FRYL: variants seen among roughly 807,000 people sequenced by gnomAD.
FRYL encodes the protein protein furry homolog-like.
A neutral mutation model predicts 351.2 loss-of-function variants in FRYL; 150 were observed. The observed-to-expected ratio is 0.43, with a 90% CI of 0.37 to 0.49. FRYL has a LOEUF of 0.49. FRYL is among the 20% of genes least tolerant of loss of function. FRYL has a pLI of 0.00. For missense variants in FRYL, 3,036 were observed against 3,619.3 expected (o/e 0.84, Z 4.13); for synonymous variants, 1,153 against 1,257.1 (o/e 0.92, Z 1.75).
chr4:48,528,348 CA>C lies in FRYL; in HGVS notation c.6904-13del. Reference sequence around the variant, plus strand: ...CCAATAATTGGTGTCTACACAGAAACAAAATGTCAGTGTTTGGCTCAAATAT... The same window carrying C: ...CCAATAATTGGTGTCTACACAGAAACAAATGTCAGTGTTTGGCTCAAATAT... On this transcript the variant is annotated splice_polypyrimidine_tract_variant and intron_variant, in intron 50 of 63. Coordinates refer to ENST00000358350, the MANE Select transcript of FRYL (RefSeq NM_015030.2). 1 of 1,583,560 alleles carries C rather than the reference CA, an allele frequency of 6.3e-7. No individual in the cohort carries two copies. Among genetic ancestry groups the C allele is most frequent in the Non-Finnish European group, 8.6e-7 (1 of 1,163,632 alleles).
intron 1 of FRYL, among the ~76,000 whole-genome samples, 182 bp downstream of exon 1, chr4:48,779,896 C>A (rs1776485054): frequency 6.6e-6 from 1 of 151,848 alleles, no homozygotes; most frequent in Admixed American, 6.5e-5. Flanking sequence ...CCGGGCCGCG[C>A]CGCGCCGCTT....
At chr4:48,700,937 TAAAA>T (rs1372099640) in intron 2 of FRYL, among the ~76,000 whole-genome samples, 1 of 152,176 alleles carries the variant, frequency 6.6e-6, no homozygotes, top group Admixed American at 6.5e-5. Flanking sequence ...AAGTAATTTT[TAAAA>T]AAAACTTAAA....
intron 3 of FRYL, among the ~76,000 whole-genome samples, chr4:48,635,121 T>C (rs1380070257): frequency 1.3e-5 from 2 of 152,048 alleles, no homozygotes; most frequent in Non-Finnish European, 1.5e-5. Flanking sequence ...GAAGGGGATA[T>C]GAGATAAGGT....
chr4:48,680,495 T>G (rs1764445731), intron 3 of FRYL, among the ~76,000 whole-genome samples: 1 of 151,958 alleles, frequency 6.6e-6, no homozygotes, highest in African/African-American at 2.4e-5. Flanking sequence ...CCTTGTTCTA[T>G]TCAAAGATTT....
chr4:48,550,757 T>C (rs1732527376), intron 37 of FRYL, 53 bp from the exon 38 acceptor site: 6 of 1,207,226 alleles, frequency 5.0e-6, no homozygotes, highest in Non-Finnish European at 7.4e-6. Context: ...ATGGTATTTA[T>C]ACTTTATGTT....
chr4:48,547,796 T>A, intron 40 of FRYL, 27 bp from the exon 41 acceptor site: 1 of 1,356,030 alleles, frequency 7.4e-7, no homozygotes, highest in Non-Finnish European at 9.8e-7. Context: ...AGAAACATTA[T>A]CAATAAAGAG....
chr4:48,719,814 G>C (rs1402397840), intron 1 of FRYL, among the ~76,000 whole-genome samples: 1 of 151,596 alleles, frequency 6.6e-6, no homozygotes, highest in African/African-American at 2.4e-5. Flanking sequence ...ACCAAAATGG[G>C]AAGAGTGGAG....
chr4:48,761,521 G>A (rs1433036466), intron 1 of FRYL, among the ~76,000 whole-genome samples: 1 of 152,136 alleles, frequency 6.6e-6, no homozygotes, highest in Non-Finnish European at 1.5e-5. Context: ...TAGGCCCTCA[G>A]ATTCACTTCA....
chr4:48,640,704 G>GGAA (rs1393713307), intron 3 of FRYL, among the ~76,000 whole-genome samples: 3 of 152,092 alleles, frequency 2.0e-5, no homozygotes, highest in Non-Finnish European at 4.4e-5. Context: ...CACACTAAAA[G>GGAA]GAAGAAACTG....
In FRYL at chr4:48,609,733, A is replaced by G. The variant is rs1420662698; in HGVS notation, c.491+11T>C. ...AAAAAGGCAACAATCCCAAGTTAGTATTTTACTTACCCTTCCTTATGTTTA... is the reference window on the plus strand; with the variant it reads ...AAAAAGGCAACAATCCCAAGTTAGTGTTTTACTTACCCTTCCTTATGTTTA... On this transcript the variant is annotated intron_variant, in intron 8 of 63. Coordinates refer to ENST00000358350, the MANE Select transcript of FRYL (RefSeq NM_015030.2). 2.8e-6 allele frequency: 4 copies of G among 1,406,728 alleles called. No individual in the cohort carries two copies. The highest frequency in any genetic ancestry group is 3.8e-5 in the Admixed American group (2 of 52,820). The allele number at this position is 1,406,728 out of a possible 1,614,324, so 87.1% of individuals were successfully genotyped here. A position where few individuals can be genotyped will look rare whatever the true frequency, so the allele number is the denominator to read the frequency against.
chr4:48,617,314 T>A (rs1261139105), intron 7 of FRYL, among the ~76,000 whole-genome samples: 5 of 151,390 alleles, frequency 3.3e-5, no homozygotes, highest in African/African-American at 1.2e-4. Flanking sequence ...GCAGTGAATG[T>A]GAACAATGAG....
intron 7 of FRYL, chr4:48,617,581 A>G (rs902172266): frequency 2.6e-5 from 4 of 151,870 alleles, no homozygotes; most frequent in Non-Finnish European, 5.9e-5. Context: ...TTATGTTTAT[A>G]GGTCTTTTTT....
In FRYL at chr4:48,548,150, G is replaced by C. The variant is rs140828266; in HGVS notation, c.4889-381C>G. ...GAATGATGTAATACACCAACATTAAGTGTGCCCATCAGGAAAACTTATAAG... is the reference window on the plus strand; with the variant it reads ...GAATGATGTAATACACCAACATTAACTGTGCCCATCAGGAAAACTTATAAG... On this transcript the variant is annotated intron_variant, in intron 40 of 63. Coordinates refer to ENST00000358350, the MANE Select transcript of FRYL (RefSeq NM_015030.2). 2.4e-3 allele frequency among the ~76,000 whole-genome samples: 370 copies of C among 152,054 alleles called. 1 individual carries two copies. The highest frequency in any genetic ancestry group is 8.5e-3 in the African/African-American group (352 of 41,490).
intron 3 of FRYL, among the ~76,000 whole-genome samples, chr4:48,669,367 G>A (rs1176347790): frequency 2.0e-5 from 3 of 151,998 alleles, no homozygotes; most frequent in Non-Finnish European, 4.4e-5. Flanking sequence ...ACATATGGTG[G>A]TCCTGGGATG....
chr4:48,548,910 T>C (rs1186664424), intron 39 of FRYL, 117 bp from the exon 40 acceptor site: 30 of 603,176 alleles, frequency 5.0e-5, no homozygotes, highest in East Asian at 6.0e-5. Flanking sequence ...ATACAACTTA[T>C]CAAGGAAAAA....
Position 48,500,022 on chromosome 4 carries a change from C to T in FRYL, c.8783+8G>A, listed in dbSNP as rs1719204831. On this transcript the variant is annotated splice_region_variant and intron_variant, in intron 63 of 63. Transcript: ENST00000358350. ...AAGGCATCACCTTTAAATCCCGTCA[C>T]GTTTTACCTGAAAGCTTTGACTTGT... is the stretch of plus-strand genomic sequence containing the variant. 4.5e-6 allele frequency: 7 copies of T among 1,562,714 alleles called. No homozygotes were observed. The highest frequency in any genetic ancestry group is 2.1e-5 in the Admixed American group (1 of 47,142).
intron 1 of FRYL, among the ~76,000 whole-genome samples, chr4:48,754,329 T>C (rs536723374): frequency 5.1e-4 from 78 of 152,374 alleles, no homozygotes; most frequent in Middle Eastern, 3.4e-3. Flanking sequence ...TTCATTTTTA[T>C]GGCTGAATAA....
In FRYL at chr4:48,557,137, A is replaced by T. The variant is rs1430201149; in HGVS notation, c.4126-19T>A. ...CGCCATACTAGATGCAATATGCACA[A>T]AAGATACTTCAGTCATGACTGCCTA... On this transcript the variant is annotated intron_variant, in intron 34 of 63. Transcript: ENST00000358350. 6.4e-7 allele frequency: 1 copy of T among 1,567,880 alleles called. No homozygotes were observed. Among genetic ancestry groups the T allele is most frequent in the South Asian group, 1.2e-5 (1 of 83,776 alleles).
chr4:48,499,666 C>T lies in FRYL; in HGVS notation c.8798G>A (p.Ser2933Asn). The T allele has an allele frequency of 6.2e-7, 1 of 1,614,072 alleles. No homozygotes were observed. The highest frequency in any genetic ancestry group is 1.1e-5 in the South Asian group (1 of 91,074). ...QVKAFRSLWP[S>N]DIFGSCEDDP... ...ATCTTCACAACTGCCAAAGATATCA[C>T]TGGGCCAGAGAGATCTGAAAATACA... Residue 2933 changes from serine (S) to asparagine (N), a missense_variant, in exon 64 of 64, where the codon AGT (serine) becomes AAT (asparagine). By Grantham distance (46) the Ser-to-Asn change is conservative (BLOSUM62 1). This residue lies in a region of FRYL where 1,987 missense variants were observed against 2,311.7 expected (regional missense o/e 0.86). Coordinates refer to ENST00000358350, the MANE Select transcript of FRYL (RefSeq NM_015030.2).
Sources: gnomAD v4.1 joint callset for allele counts (sites outside exome capture counted in the v4.1 genomes callset) on GRCh38, gnomAD v4.1.1 for gene constraint, gnomAD v4.1.1 regional missense constraint, MANE v1.5 for transcripts, NCBI Gene and HGNC (gene_info 2026-07-23, HGNC 2026-07-21) for gene names.